Variants in DROSHA observed in about 807,000 individuals in gnomAD.
DROSHA encodes drosha ribonuclease III.
A neutral mutation model predicts 181.9 loss-of-function variants in DROSHA; 56 were observed. The ratio of observed to expected loss-of-function variants is 0.31; its 90% CI spans 0.25 to 0.38. The LOEUF (loss-of-function observed/expected upper bound fraction) is 0.38. Ranked by LOEUF, DROSHA falls within the 10% of genes least tolerant of loss-of-function variation. The probability of loss-of-function intolerance (pLI) is 1.00; values close to 1 mark genes in which losing one functional copy is unlikely to be tolerated. For synonymous variants in DROSHA, 524 were observed against 591.2 expected, an observed-to-expected ratio of 0.89 and a Z score of 1.65; for missense variants, 1,218 against 1,743.5, an observed-to-expected ratio of 0.70 and a Z score of 5.37.
chr5:31,529,591 C>T (rs767365196), intron 3 of DROSHA, among the ~76,000 whole-genome samples: 2 of 151,836 alleles, frequency 1.3e-5, no homozygotes, highest in East Asian at 1.9e-4. Flanking sequence ...AAAACTTAGC[C>T]GGGCGTGGTG....
chr5:31,513,487 TG>T (rs1300786861), intron 8 of DROSHA, among the ~76,000 whole-genome samples: 2 of 152,162 alleles, frequency 1.3e-5, no homozygotes, highest in Non-Finnish European at 2.9e-5. Flanking sequence ...ATGAGAAGCA[TG>T]GAATAACATT....
intron 8 of DROSHA, among the ~76,000 whole-genome samples, chr5:31,512,321 T>A (rs1255433822): frequency 6.6e-6 from 1 of 152,216 alleles, no homozygotes; most frequent in Non-Finnish European, 1.5e-5. Flanking sequence ...CTTTTGAGTT[T>A]ATCAGTCTTC....
chr5:31,410,143 C>T (rs552305986), intron 31 of DROSHA, among the ~76,000 whole-genome samples: 6 of 151,914 alleles, frequency 3.9e-5, no homozygotes, highest in Non-Finnish European at 7.4e-5. Flanking sequence ...AATATAATTC[C>T]CATTGTCAAA....
intron 13 of DROSHA, among the ~76,000 whole-genome samples, chr5:31,492,070 A>G (rs1005636665): frequency 3.3e-5 from 5 of 152,272 alleles, no homozygotes; most frequent in African/African-American, 4.8e-5. Context: ...CTGGGATTAC[A>G]GGCGTGAGCC....
rs761724140 is a variant in DROSHA, at chr5:31,418,283, C to CAG, written c.3525+2987_3525+2988dup. On this transcript the variant is annotated intron_variant, in intron 30 of 35. Transcript: ENST00000344624. ...AGAGGGAGACAGAGAGAGAGAGACA[C>CAG]AGAGAGAGAGAGAGACAGAGAGAGG... is the stretch of plus-strand genomic sequence containing the variant. Among the ~76,000 whole-genome samples the CAG allele has an allele frequency of 3.5e-4, 53 of 150,712 alleles. 1 individual carries two copies. In the East Asian group the frequency reaches 5.3e-3, roughly 15 times the overall value.
intron 10 of DROSHA, among the ~76,000 whole-genome samples, chr5:31,505,087 G>A (rs1382833891): frequency 6.6e-6 from 1 of 152,208 alleles, no homozygotes; most frequent in Non-Finnish European, 1.5e-5. Context: ...GCAGAGAGAA[G>A]AAAATGCTAC....
chr5:31,454,399 G>A (rs1205738862), intron 20 of DROSHA, among the ~76,000 whole-genome samples: 1 of 152,204 alleles, frequency 6.6e-6, no homozygotes, highest in African/African-American at 2.4e-5. Flanking sequence ...GACAAAAGCA[G>A]AGGGGGCAGA....
chr5:31,484,247 G>A (rs1158526236), intron 15 of DROSHA, among the ~76,000 whole-genome samples: 6 of 151,780 alleles, frequency 4.0e-5, no homozygotes, highest in South Asian at 2.1e-4. Context: ...AGTGGTGGGC[G>A]CCTGTAGTCC....
intron 21 of DROSHA, among the ~76,000 whole-genome samples, chr5:31,449,910 C>A (rs1190025630): frequency 6.6e-6 from 1 of 152,052 alleles, no homozygotes; most frequent in Non-Finnish European, 1.5e-5. Flanking sequence ...TACTATATAT[C>A]CAACAAAGGA....
At chr5:31,448,772 A>C (rs1746606537) in intron 22 of DROSHA, among the ~76,000 whole-genome samples, 165 bp from the exon 23 acceptor site, 1 of 152,208 alleles carries the variant, frequency 6.6e-6, no homozygotes, top group African/African-American at 2.4e-5. Context: ...ACTGGATAGG[A>C]AAAAGAAATT....
chr5:31,475,539 T>C (rs189898541), intron 16 of DROSHA, among the ~76,000 whole-genome samples: 1 of 152,240 alleles, frequency 6.6e-6, no homozygotes, highest in Non-Finnish European at 1.5e-5. Flanking sequence ...ACACTTCACA[T>C]GCATACACAC....
chr5:31,449,267 T>A lies in DROSHA; in HGVS notation c.2821+14A>T. The A allele has an allele frequency of 1.2e-6, 2 of 1,612,880 alleles. No individual in the cohort carries two copies. The highest frequency in any genetic ancestry group is 1.1e-5 in the South Asian group (1 of 90,888). ...AAAATAGGAGATTCACATCTTAAAA[T>A]CATCCAGACATACCTTTCTTCCGCA... is the stretch of plus-strand genomic sequence containing the variant. On this transcript the variant is annotated intron_variant, in intron 22 of 35. Transcript: ENST00000344624.
chr5:31,511,765 T>A lies in DROSHA; in HGVS notation c.1291-589A>T, dbSNP rs550592870. 8.6e-5 allele frequency among the ~76,000 whole-genome samples: 13 copies of A among 151,892 alleles called. No individual in the cohort carries two copies. In the East Asian group the frequency reaches 1.9e-3, roughly 23 times the overall value. The stretch of plus-strand genomic sequence containing the variant: ...TATGCCCTATTAATATGACATTTTT[T>A]AAAAAATCATGACCCTCAGAGAATC... On this transcript the variant is annotated intron_variant, in intron 8 of 35. Coordinates refer to ENST00000344624, the MANE Select transcript of DROSHA (RefSeq NM_001382508.1).
rs979824127 is a variant in DROSHA at position 31,530,834 on chromosome 5, G to A, written c.-83C>T. On this transcript the variant is annotated 5_prime_UTR_variant, in exon 3 of 36. It adds an upstream start codon to the 5' untranslated region. Transcript: ENST00000344624. ...TCATATCATAGTGAAGTATGCACACGTCTAACTCTTCCACTAGATTATCAG... is the reference window on the plus strand; with the variant it reads ...TCATATCATAGTGAAGTATGCACACATCTAACTCTTCCACTAGATTATCAG... The A allele has an allele frequency of 1.0e-5, 4 of 398,270 alleles. No homozygotes were observed. Among genetic ancestry groups the A allele is most frequent in the Admixed American group, 4.4e-5 (1 of 22,688 alleles). 24.7% of individuals were successfully genotyped at this position (398,270 alleles called of 1,614,324 possible).
chr5:31,511,210 T>C (rs1580348104), intron 8 of DROSHA, 34 bp from the exon 9 acceptor site: 1 of 1,587,190 alleles, frequency 6.3e-7, no homozygotes, highest in African/African-American at 1.3e-5. Context: ...TTAGGAACTA[T>C]ATCAATAACG....
intron 23 of DROSHA, among the ~76,000 whole-genome samples, chr5:31,447,169 G>GA (rs1746410369): frequency 6.6e-6 from 1 of 152,152 alleles, no homozygotes; most frequent in South Asian, 2.1e-4. Flanking sequence ...CACAGGAACA[G>GA]AAAACCAAAT....
In DROSHA at chr5:31,529,030, C is replaced by T. The variant is rs753675361; in HGVS notation, c.20+10G>A. 11 of 1,613,030 alleles carry T rather than the reference C, an allele frequency of 6.8e-6. No individual in the cohort carries two copies. Among genetic ancestry groups the T allele is most frequent in the Admixed American group, 6.7e-5 (4 of 59,930 alleles). ...TCCCAAACTATTGCCATTCCCATCA[C>T]GGCACTCACCATGTGTTTCCCTGCA... is the stretch of plus-strand genomic sequence containing the variant. On this transcript the variant is annotated intron_variant, in intron 4 of 35. Transcript: ENST00000344624.
intron 5 of DROSHA, 64 bp from the exon 6 acceptor site, chr5:31,521,279 A>G: frequency 6.4e-7 from 1 of 1,552,290 alleles, no homozygotes; most frequent in South Asian, 1.1e-5. Flanking sequence ...ATCTCTTTTC[A>G]CTGAATTCAT....
intron 35 of DROSHA, among the ~76,000 whole-genome samples, chr5:31,405,364 A>G (rs1740511275): frequency 1.3e-5 from 2 of 150,490 alleles, no homozygotes; most frequent in Admixed American, 1.3e-4. Context: ...AACAACAGCG[A>G]AACTCCATCT....
Sources: allele counts gnomAD v4.1 joint callset (sites outside exome capture counted in the v4.1 genomes callset), GRCh38; gene constraint gnomAD v4.1.1; transcripts MANE v1.5; gene names NCBI Gene and HGNC (gene_info 2026-07-23, HGNC 2026-07-21).